Variants in CNGA3 observed in about 807,000 individuals in gnomAD.
CNGA3 encodes cyclic nucleotide-gated channel alpha-3.
In CNGA3, 42 loss-of-function variants were observed where a neutral mutation model predicts 46.6. That is an observed-to-expected ratio of 0.90 (90% CI 0.70 to 1.17). The LOEUF (loss-of-function observed/expected upper bound fraction) is 1.17, where lower values mean the gene tolerates loss of function less well. Among genes scored for constraint, CNGA3 ranks in the 50% most tolerant of loss-of-function variants. The pLI is 0.00. For synonymous variants in CNGA3, 394 were observed against 369.4 expected, an observed-to-expected ratio of 1.07 and a Z score of -0.76; for missense variants, 893 against 890.7, an observed-to-expected ratio of 1.00 and a Z score of -0.03.
In CNGA3 at chr2:98,388,138, G is replaced by A. The variant is rs527478544; in HGVS notation, c.450-1520G>A. Among the ~76,000 whole-genome samples the A allele has an allele frequency of 4.6e-5, 7 of 152,106 alleles. No individual in the cohort carries two copies. In the South Asian group the frequency reaches 1.5e-3, roughly 32 times the overall value. On this transcript the variant is annotated intron_variant, in intron 5 of 7. Coordinates refer to ENST00000272602, the MANE Select transcript of CNGA3 (RefSeq NM_001298.3). Reference sequence around the variant, plus strand: ...ATGCGCTGGAAGCACCCCTTGCCACGCCCTCTCTTCAGGACGTCTCCACGA... The same window carrying A: ...ATGCGCTGGAAGCACCCCTTGCCACACCCTCTCTTCAGGACGTCTCCACGA...
chr2:98,355,300 TAC>T (rs1191152172), intron 1 of CNGA3, among the ~76,000 whole-genome samples: 1 of 152,226 alleles, frequency 6.6e-6, no homozygotes, highest in Admixed American at 6.5e-5. Context: ...ACTTTTCTTA[TAC>T]AGTTTCCAAA....
chr2:98,397,640 T>C lies in CNGA3; in HGVS notation c.*385T>C, dbSNP rs1692952801. The C allele has an allele frequency of 3.2e-6, 1 of 313,668 alleles. No homozygotes were observed. Among genetic ancestry groups the C allele is most frequent in the Non-Finnish European group, 6.1e-6 (1 of 164,768 alleles). The allele number at this position is 313,668 out of a possible 1,614,324, so 19.4% of individuals were successfully genotyped here. On this transcript the variant is annotated 3_prime_UTR_variant, in exon 8 of 8. Coordinates refer to ENST00000272602, the MANE Select transcript of CNGA3 (RefSeq NM_001298.3). ...ATGAAAGATTATTTAGTCACCTTTC[T>C]CCTGTCCAACTTCACCACCACCTGA...
chr2:98,377,732 G>A lies in CNGA3; in HGVS notation c.147G>A (p.Gly49=), dbSNP rs750720105. Residue 49 remains glycine (G), a synonymous_variant, in exon 3 of 8, where the codon GGG becomes GGA. Coordinates refer to ENST00000272602, the MANE Select transcript of CNGA3 (RefSeq NM_001298.3). Reference sequence around the variant, plus strand: ...AGACATCGTCAGTGCTGCAGCCGGGGATCGCCATGGAGACCAGAGGACTGG... The same window carrying A: ...AGACATCGTCAGTGCTGCAGCCGGGAATCGCCATGGAGACCAGAGGACTGG... ...SEETSSVLQP[G]IAMETRGLAD... The A allele has an allele frequency of 1.9e-6, 3 of 1,613,422 alleles. No individual in the cohort carries two copies. Among genetic ancestry groups the A allele is most frequent in the Non-Finnish European group, 2.5e-6 (3 of 1,180,014 alleles).
At chr2:98,362,202 A>T in intron 1 of CNGA3, among the ~76,000 whole-genome samples, 1 of 92,906 alleles carries the variant, frequency 1.1e-5, no homozygotes, top group African/African-American at 4.2e-5. Flanking sequence ...TTTTTGAGGC[A>T]GAGTTTTGCT....
At chr2:98,366,285 C>T (rs1692148459) in intron 1 of CNGA3, among the ~76,000 whole-genome samples, 2 of 152,154 alleles carry the variant, frequency 1.3e-5, no homozygotes. Context: ...CCGGGAGATC[C>T]GTCTCAAAGG....
intron 1 of CNGA3, among the ~76,000 whole-genome samples, chr2:98,363,798 T>C (rs192476991): frequency 3.9e-5 from 6 of 152,302 alleles, no homozygotes; most frequent in African/African-American, 7.2e-5. Context: ...TCTGTAGATA[T>C]CTATCAGATC....
chr2:98,367,167 G>GTTTATTTTCTTTTTTTTT lies in CNGA3; in HGVS notation c.-37-2769_-37-2768insATTTTCTTTTTTTTTTTT, dbSNP rs751611132. On this transcript the variant is annotated intron_variant, in intron 1 of 7. Transcript: ENST00000272602. Reference sequence around the variant, plus strand: ...TTGGTGAGAACCTCTGACATCAGCTGTTTTTTTTCTTTTTTTTCTTTTTTT... The same window carrying GTTTATTTTCTTTTTTTTT: ...TTGGTGAGAACCTCTGACATCAGCTGTTTATTTTCTTTTTTTTTTTTTTTTTCTTTTTTTTCTTTTTTT... 8.3e-4 allele frequency among the ~76,000 whole-genome samples: 84 copies of GTTTATTTTCTTTTTTTTT among 101,594 alleles called. 11 individuals carry two copies. Among genetic ancestry groups the GTTTATTTTCTTTTTTTTT allele is most frequent in the Admixed American group, 2.3e-3 (21 of 9,132 alleles). 66.6% of individuals were successfully genotyped at this position (101,594 alleles called of 152,430 possible). A position where few individuals can be genotyped will look rare whatever the true frequency, so the allele number is the denominator to read the frequency against.
intron 1 of CNGA3, among the ~76,000 whole-genome samples, chr2:98,363,375 A>G (rs371590078): frequency 2.0e-5 from 3 of 152,164 alleles, no homozygotes; most frequent in Non-Finnish European, 1.5e-5. Context: ...TTGCCTTACT[A>G]GCTATATTCC....
At position 98,390,657 on chromosome 2, in the gene CNGA3, T is replaced by C. The variant is rs561667295; in HGVS notation, c.566+883T>C. Among the ~76,000 whole-genome samples, 30 of 152,132 alleles carry C rather than the reference T, an allele frequency of 2.0e-4. No individual in the cohort carries two copies. In the South Asian group the frequency reaches 6.0e-3, roughly 31 times the overall value. On this transcript the variant is annotated intron_variant, in intron 6 of 7. Coordinates refer to ENST00000272602, the MANE Select transcript of CNGA3 (RefSeq NM_001298.3). ...AGGACAAGCTGCTGCTTGTGGGGGC[T>C]GGCGGGGACTTTGGGGCATTTCTGA...
At chr2:98,386,968 T>C (rs1167756823) in intron 5 of CNGA3, among the ~76,000 whole-genome samples, 2 of 152,208 alleles carry the variant, frequency 1.3e-5, no homozygotes, top group Non-Finnish European at 2.9e-5. Flanking sequence ...TTTAGTCTGG[T>C]GAGATCCACA....
intron 1 of CNGA3, among the ~76,000 whole-genome samples, chr2:98,367,242 A>T (rs1692183610): frequency 7.1e-6 from 1 of 139,920 alleles, no homozygotes; most frequent in Non-Finnish European, 1.5e-5. Context: ...GCTGGAGGGC[A>T]GGAGTGCAGT....
intron 4 of CNGA3, among the ~76,000 whole-genome samples, chr2:98,380,680 TA>T (rs1174001981): frequency 2.0e-5 from 3 of 152,190 alleles, no homozygotes; most frequent in Non-Finnish European, 4.4e-5. Context: ...ATGCTGGCCT[TA>T]CCTATCTCTC....
intron 2 of CNGA3, among the ~76,000 whole-genome samples, chr2:98,374,586 C>T (rs772695734): frequency 6.6e-6 from 1 of 152,100 alleles, no homozygotes; most frequent in Non-Finnish European, 1.5e-5. Context: ...TCCTTTTTTT[C>T]GGTACCTGTG....
intron 1 of CNGA3, among the ~76,000 whole-genome samples, chr2:98,367,059 T>C (rs189085801): frequency 6.6e-6 from 1 of 152,176 alleles, no homozygotes; most frequent in East Asian, 1.9e-4. Context: ...CTCACTCTCC[T>C]TGGGACTGCC....
intron 1 of CNGA3, 131 bp downstream of exon 1, chr2:98,346,665 G>GGCGGGCGCGGCGCTGTCC (rs1401611301): frequency 4.6e-5 from 18 of 390,492 alleles, no homozygotes; most frequent in African/African-American, 3.5e-4. Flanking sequence ...TGCTTCCAGG[G>GGCGGGCGCGGCGCTGTCC]GCGGGCGCGG....
intron 5 of CNGA3, among the ~76,000 whole-genome samples, chr2:98,385,222 G>A (rs1211875374): frequency 6.6e-6 from 1 of 152,178 alleles, no homozygotes; most frequent in Non-Finnish European, 1.5e-5. Context: ...AAACTGCAGG[G>A]CAAAGCTCAC....
rs1309652906 is a variant in CNGA3 at position 98,396,498 on chromosome 2, A to G, written c.1328A>G (p.Tyr443Cys). 2 of 1,613,760 alleles carry G rather than the reference A, an allele frequency of 1.2e-6. No individual in the cohort carries two copies. The highest frequency in any genetic ancestry group is 1.7e-6 in the Non-Finnish European group (2 of 1,180,018). The part of the protein sequence containing the change: ...LETRVIRWFD[Y>C]LWANKKTVDE... ...ACGCGGGTTATCCGGTGGTTTGACTACCTGTGGGCCAACAAGAAGACGGTG... is the reference window on the plus strand; with the variant it reads ...ACGCGGGTTATCCGGTGGTTTGACTGCCTGTGGGCCAACAAGAAGACGGTG... Residue 443 changes from tyrosine to cysteine, a missense_variant, in exon 8 of 8, where the codon TAC becomes TGC. Physicochemically the swap from Tyr to Cys is radical, Grantham distance 194. This residue lies in a region of CNGA3 where 548 missense variants were observed against 570.8 expected (regional missense o/e 0.96). Coordinates refer to ENST00000272602, the MANE Select transcript of CNGA3 (RefSeq NM_001298.3).
chr2:98,369,856 G>A (rs952159718), intron 1 of CNGA3, 83 bp from the exon 2 acceptor site: 13 of 839,404 alleles, frequency 1.5e-5, no homozygotes, highest in Admixed American at 4.0e-5. Context: ...GGGGCCGCGT[G>A]CGGTAGCCCT....
chr2:98,382,232 C>T (rs1692555261), intron 4 of CNGA3, among the ~76,000 whole-genome samples: 1 of 152,174 alleles, frequency 6.6e-6, no homozygotes, highest in African/African-American at 2.4e-5. Context: ...GCAAAGTCTC[C>T]ACTGCAAAGC....
Sources: gnomAD v4.1 joint callset for allele counts (sites outside exome capture counted in the v4.1 genomes callset) on GRCh38, gnomAD v4.1.1 for gene constraint, gnomAD v4.1.1 regional missense constraint, MANE v1.5 for transcripts, NCBI Gene and HGNC (gene_info 2026-07-23, HGNC 2026-07-21) for gene names.